Variants in PID1 observed in about 807,000 individuals in gnomAD.
PID1 encodes PTB-containing, cubilin and LRP1-interacting protein.
A neutral mutation model predicts 19.1 loss-of-function variants in PID1; 10 were observed. That is an observed-to-expected ratio of 0.52 (90% CI 0.32 to 0.89). The LOEUF is 0.89. PID1 is among the 40% of genes least tolerant of loss of function. PID1 has a pLI of 0.03. For missense variants in PID1, 248 were observed against 285.3 expected (o/e 0.87, Z 0.94); for synonymous variants, 130 against 116.0 (o/e 1.12, Z -0.78).
chr2:229,161,379 GACC>G (rs1235861692), intron 1 of PID1, among the ~76,000 whole-genome samples: 1 of 152,104 alleles, frequency 6.6e-6, no homozygotes, highest in Non-Finnish European at 1.5e-5. Context: ...TCCATCCAGG[GACC>G]CACCTAGAAT....
At chr2:229,236,056 T>C (rs1359482457) in intron 1 of PID1, among the ~76,000 whole-genome samples, 1 of 152,122 alleles carries the variant, frequency 6.6e-6, no homozygotes, top group African/African-American at 2.4e-5. Context: ...TTCCCTGAGA[T>C]GTGAGGCAGC....
intron 1 of PID1, among the ~76,000 whole-genome samples, chr2:229,183,784 A>G (rs531661291): frequency 6.6e-6 from 1 of 151,554 alleles, no homozygotes; most frequent in African/African-American, 2.4e-5. Context: ...CAGCTTGCCA[A>G]CTGTAGATCT....
intron 1 of PID1, chr2:229,263,039 G>A (rs575870571): frequency 9.4e-6 from 7 of 744,894 alleles, no homozygotes; most frequent in Non-Finnish European, 1.3e-5. Context: ...ACATCTTTTA[G>A]GGGAACACAA....
At chr2:229,092,967 T>C (rs1166002848) in intron 2 of PID1, among the ~76,000 whole-genome samples, 1 of 152,148 alleles carries the variant, frequency 6.6e-6, no homozygotes, top group East Asian at 1.9e-4. Flanking sequence ...TTGACTCCAC[T>C]GAATGCCATT....
chr2:229,091,685 C>T (rs1394393809), intron 2 of PID1, among the ~76,000 whole-genome samples: 1 of 152,166 alleles, frequency 6.6e-6, no homozygotes, highest in Non-Finnish European at 1.5e-5. Context: ...GTGAGAAATA[C>T]ATTTCTGTTG....
rs1447039506 is a variant in PID1 at position 229,049,475 on chromosome 2, G to A, written c.178-23367C>T. ...TGGGGTGGTAATGACAATCCTGGTG[G>A]GTAGCTGAATTTATTTGAAATGCAA... On this transcript the variant is annotated intron_variant, in intron 2 of 2. Transcript: ENST00000392055. 4.6e-5 allele frequency among the ~76,000 whole-genome samples: 7 copies of A among 152,144 alleles called. 1 individual carries two copies. Among genetic ancestry groups the A allele is most frequent in the South Asian group, 2.1e-4 (1 of 4,814 alleles).
chr2:229,239,073 GA>G (rs1279730832), intron 1 of PID1, among the ~76,000 whole-genome samples: 1 of 151,682 alleles, frequency 6.6e-6, no homozygotes, highest in Non-Finnish European at 1.5e-5. Flanking sequence ...AAAAGGATGA[GA>G]AAAAAATGAT....
chr2:229,165,380 G>A (rs1229942384), intron 1 of PID1, among the ~76,000 whole-genome samples: 10 of 152,028 alleles, frequency 6.6e-5, no homozygotes, highest in South Asian at 2.1e-4. Context: ...CAGGCAGACC[G>A]CTTAAGCTCA....
intron 1 of PID1, among the ~76,000 whole-genome samples, chr2:229,175,180 A>G (rs917773260): frequency 2.6e-5 from 4 of 152,192 alleles, no homozygotes; most frequent in African/African-American, 9.7e-5. Context: ...TGAGCAACTA[A>G]TTCTGGGAGT....
At chr2:229,146,936 T>C (rs1355604877) in intron 2 of PID1, among the ~76,000 whole-genome samples, 1 of 152,168 alleles carries the variant, frequency 6.6e-6, no homozygotes, top group Non-Finnish European at 1.5e-5. Context: ...TCCGGGAGCA[T>C]GACCCTGCTG....
chr2:229,112,644 C>A (rs1183250951), intron 2 of PID1, among the ~76,000 whole-genome samples: 2 of 152,030 alleles, frequency 1.3e-5, no homozygotes, highest in Admixed American at 6.6e-5. Flanking sequence ...TGCCACCAGG[C>A]CTGGCTAATT....
At chr2:229,031,402 C>T (rs913709853) in intron 2 of PID1, among the ~76,000 whole-genome samples, 1 of 151,446 alleles carries the variant, frequency 6.6e-6, no homozygotes, top group Non-Finnish European at 1.5e-5. Context: ...ACGAAAAATA[C>T]AAAAATTAGC....
intron 2 of PID1, 23 bp from the exon 3 acceptor site, chr2:229,026,131 A>C: frequency 6.5e-7 from 1 of 1,529,934 alleles, no homozygotes; most frequent in Non-Finnish European, 9.0e-7. Context: ...GAGAGGAAGA[A>C]AAGGGAGGCA....
At chr2:229,081,240 T>C (rs1694663127) in intron 2 of PID1, among the ~76,000 whole-genome samples, 1 of 152,212 alleles carries the variant, frequency 6.6e-6, no homozygotes, top group Non-Finnish European at 1.5e-5. Flanking sequence ...TCTGAAAACT[T>C]ACCACTCAGC....
chr2:229,183,148 T>C (rs374931058), intron 1 of PID1, among the ~76,000 whole-genome samples: 16 of 152,168 alleles, frequency 1.1e-4, no homozygotes, highest in African/African-American at 3.4e-4. Flanking sequence ...AAGAGAGAAA[T>C]TTGAACACAG....
intron 2 of PID1, among the ~76,000 whole-genome samples, chr2:229,133,026 A>C (rs1559248288): frequency 6.6e-6 from 1 of 152,152 alleles, no homozygotes; most frequent in Non-Finnish European, 1.5e-5. Flanking sequence ...CATTTCATGC[A>C]TTTTTAATCT....
chr2:229,156,002 A>C (rs1158226812), intron 1 of PID1, 38 bp from the exon 2 acceptor site: 1 of 1,597,294 alleles, frequency 6.3e-7, no homozygotes, highest in Admixed American at 1.7e-5. Context: ...TAGTTTAATC[A>C]CTTGGACTTT....
At position 229,214,853 on chromosome 2, in the gene PID1, TAC is replaced by T. The variant is rs201212588; in HGVS notation, c.30+56159_30+56160del. Among the ~76,000 whole-genome samples, 452 of 148,280 alleles carry T rather than the reference TAC, an allele frequency of 3.0e-3. 5 individuals carry two copies. In the East Asian group the frequency reaches 0.041, roughly 14 times the overall value. ...GACTCTTCTTTCATTTTTATATAGA[TAC>T]ACACACACACACACACACACAAATA... On this transcript the variant is annotated intron_variant, in intron 1 of 2. Coordinates refer to ENST00000392055, the MANE Select transcript of PID1 (RefSeq NM_001100818.2).
At chr2:229,104,048 A>G (rs560622391) in intron 2 of PID1, among the ~76,000 whole-genome samples, 1 of 152,340 alleles carries the variant, frequency 6.6e-6, no homozygotes, top group South Asian at 2.1e-4. Context: ...TCAGTGTACA[A>G]GTAATTCTAC....
Sources: gnomAD v4.1 joint callset for allele counts (sites outside exome capture counted in the v4.1 genomes callset) on GRCh38, gnomAD v4.1.1 for gene constraint, MANE v1.5 for transcripts, NCBI Gene and HGNC (gene_info 2026-07-23, HGNC 2026-07-21) for gene names.